Variants in TMC2 observed in about 807,000 individuals in gnomAD.
The protein encoded by TMC2 is transmembrane channel like 2.
A neutral mutation model predicts 105.9 loss-of-function variants in TMC2; 102 were observed. The ratio of observed to expected loss-of-function variants is 0.96; its 90% CI spans 0.82 to 1.14. TMC2 has a LOEUF of 1.14. Ranked by LOEUF, TMC2 falls within the 50% of genes most tolerant of loss-of-function variation. TMC2 has a pLI of 0.00. For missense variants in TMC2, 1,093 were observed against 1,134.3 expected (o/e 0.96, Z 0.52); for synonymous variants, 402 against 422.8 (o/e 0.95, Z 0.60).
chr20:2,640,696 A>G (rs937312649), intron 19 of TMC2, among the ~76,000 whole-genome samples: 1 of 152,218 alleles, frequency 6.6e-6, no homozygotes, highest in African/African-American at 2.4e-5. Flanking sequence ...TTTAGTAAAG[A>G]GCAGTCATTT....
chr20:2,541,275 A>T (rs764279162), intron 2 of TMC2, among the ~76,000 whole-genome samples: 1 of 152,168 alleles, frequency 6.6e-6, no homozygotes, highest in Admixed American at 6.5e-5. Flanking sequence ...TCCCATTTTT[A>T]TAATAGAAAT....
Position 2,637,488 on chromosome 20 carries a change from G to A in TMC2, c.2400G>A (p.Glu800=), listed in dbSNP as rs761789664. Reference sequence around the variant, plus strand: ...ATTTCCTGCAGCTCCGTGAAGTTGAGAAGAGTCACAAATCTGTAAAAGGCA... The same window carrying A: ...ATTTCCTGCAGCTCCGTGAAGTTGAAAAGAGTCACAAATCTGTAAAAGGCA... ...RKKIQVLREV[E]KSHKSVKGKA... Residue 800 remains glutamate, a synonymous_variant, in exon 19 of 20, where the codon GAG becomes GAA. Coordinates refer to ENST00000358864, the MANE Select transcript of TMC2 (RefSeq NM_080751.3). 6.2e-7 allele frequency: 1 copy of A among 1,613,054 alleles called. No individual in the cohort carries two copies. Among genetic ancestry groups the A allele is most frequent in the Non-Finnish European group, 8.5e-7 (1 of 1,179,372 alleles).
chr20:2,632,798 C>A (rs1017484926), intron 17 of TMC2, among the ~76,000 whole-genome samples: 3 of 152,068 alleles, frequency 2.0e-5, no homozygotes, highest in Admixed American at 2.0e-4. Context: ...CCCATGTTGG[C>A]CAGGCTGGTC....
At chr20:2,637,711 A>G in intron 19 of TMC2, 120 bp downstream of exon 19, 1 of 717,128 alleles carries the variant, frequency 1.4e-6, no homozygotes, top group South Asian at 1.9e-5. Context: ...AACAATTATT[A>G]GCTTATGAAG....
chr20:2,561,036 G>A (rs980386392), intron 3 of TMC2, among the ~76,000 whole-genome samples: 4 of 152,204 alleles, frequency 2.6e-5, no homozygotes, highest in African/African-American at 9.7e-5. Context: ...AATGTGGCCA[G>A]TGTGACTGAG....
At position 2,555,043 on chromosome 20, in the gene TMC2, G is replaced by C. The variant is rs188070386; in HGVS notation, c.83-3413G>C. Among the ~76,000 whole-genome samples the C allele has an allele frequency of 2.6e-5, 4 of 152,250 alleles. No homozygotes were observed. The East Asian group carries it at 7.7e-4, about 29-fold the overall frequency. On this transcript the variant is annotated intron_variant, in intron 2 of 19. Coordinates refer to ENST00000358864, the MANE Select transcript of TMC2 (RefSeq NM_080751.3). ...AGGAATATTAAAGTCTCCAACTATAGTAGTGAATTGGTCTATTTCTCCTTG... is the reference window on the plus strand; with the variant it reads ...AGGAATATTAAAGTCTCCAACTATACTAGTGAATTGGTCTATTTCTCCTTG...
chr20:2,594,989 G>A lies in TMC2; in HGVS notation c.1076+22G>A, dbSNP rs562759510. 1.2e-4 allele frequency: 186 copies of A among 1,605,432 alleles called. 1 individual carries two copies. The South Asian group carries it at 1.8e-3, about 16-fold the overall frequency. ...GATCGTAAGTATGACCGTCTCATCC[G>A]CAGGCTTTGACTTCACAGCCACAGC... On this transcript the variant is annotated intron_variant, in intron 9 of 19. Transcript: ENST00000358864.
intron 5 of TMC2, among the ~76,000 whole-genome samples, chr20:2,577,862 C>T (rs2086158464): frequency 6.6e-6 from 1 of 152,036 alleles, no homozygotes; most frequent in South Asian, 2.1e-4. Flanking sequence ...GCCACCTGCA[C>T]TCGGCCTGGG....
At chr20:2,613,713 A>T (rs2086460651) in intron 14 of TMC2, 1 of 310,366 alleles carries the variant, frequency 3.2e-6, no homozygotes. Context: ...CACACCAAGA[A>T]CACAATAACC....
chr20:2,546,189 T>C (rs2085925301), intron 2 of TMC2, among the ~76,000 whole-genome samples: 1 of 152,100 alleles, frequency 6.6e-6, no homozygotes, highest in South Asian at 2.1e-4. Flanking sequence ...TAAAAAGTCA[T>C]CCAATGGTTG....
chr20:2,573,176 G>A (rs550547486), intron 5 of TMC2, among the ~76,000 whole-genome samples: 2 of 152,228 alleles, frequency 1.3e-5, no homozygotes, highest in South Asian at 4.1e-4. Flanking sequence ...TCTTGCCCAT[G>A]TTTCTACATG....
In TMC2 at chr20:2,610,531, T is replaced by C. The variant is rs2086428834; in HGVS notation, c.1526T>C (p.Ile509Thr). Residue 509 changes from isoleucine to threonine, a missense_variant, in exon 12 of 20, where the codon ATC (isoleucine) becomes ACC (threonine). Physicochemically the swap from Ile to Thr is moderately conservative, Grantham distance 89. Transcript: ENST00000358864. ...GGACTGAAGTGGCAGCTGGGACGCA[T>C]CTTTGCACTCTTCCTGGGGAACCTC... is the stretch of plus-strand genomic sequence containing the variant. ...RTGLKWQLGR[I>T]FALFLGNLYT... 1 of 1,613,718 alleles carries C rather than the reference T, an allele frequency of 6.2e-7. No individual in the cohort carries two copies. The highest frequency in any genetic ancestry group is 8.5e-7 in the Non-Finnish European group (1 of 1,179,838).
chr20:2,544,759 T>C (rs1179172330), intron 2 of TMC2, among the ~76,000 whole-genome samples: 2 of 152,138 alleles, frequency 1.3e-5, no homozygotes, highest in Non-Finnish European at 2.9e-5. Flanking sequence ...ATCAGATCTC[T>C]TGTAAATTAT....
intron 7 of TMC2, among the ~76,000 whole-genome samples, chr20:2,582,289 A>T (rs1247105191): frequency 6.6e-6 from 1 of 152,178 alleles, no homozygotes; most frequent in East Asian, 1.9e-4. Context: ...TTCATTGCAC[A>T]TCTAAAGGAA....
chr20:2,543,108 A>G lies in TMC2; in HGVS notation c.82+5792A>G, dbSNP rs567188770. Among the ~76,000 whole-genome samples, 12 of 151,904 alleles carry G rather than the reference A, an allele frequency of 7.9e-5. No homozygotes were observed. In the South Asian group the frequency reaches 1.7e-3, roughly 21 times the overall value. On this transcript the variant is annotated intron_variant, in intron 2 of 19. Transcript: ENST00000358864. ...AAAAATTAGTCAGGCAAGGTGGCAT[A>G]CACCTGTAATCCCAGCTACTCAGGA... is the stretch of plus-strand genomic sequence containing the variant.
intron 17 of TMC2, among the ~76,000 whole-genome samples, chr20:2,626,791 C>T (rs1600139487): frequency 1.3e-5 from 2 of 152,156 alleles, no homozygotes; most frequent in Admixed American, 1.3e-4. Flanking sequence ...CAATTCCCTC[C>T]TGTGACAGTT....
chr20:2,623,276 G>A (rs1337146454), intron 16 of TMC2, among the ~76,000 whole-genome samples: 2 of 152,052 alleles, frequency 1.3e-5, no homozygotes, highest in African/African-American at 4.8e-5. Flanking sequence ...AGTGGTTCAC[G>A]CCTGTAATCC....
chr20:2,624,224 C>T (rs2086547721), intron 16 of TMC2, 47 bp from the exon 17 acceptor site: 1 of 1,592,780 alleles, frequency 6.3e-7, no homozygotes, highest in South Asian at 1.1e-5. Flanking sequence ...CTGTGAATGC[C>T]ACAGGCACAT....
At chr20:2,590,198 C>A (rs1424408299) in intron 7 of TMC2, among the ~76,000 whole-genome samples, 3 of 151,936 alleles carry the variant, frequency 2.0e-5, no homozygotes, top group Non-Finnish European at 4.4e-5. Flanking sequence ...ACAGGCAAAA[C>A]TAAACAGGCA....
Sources: allele counts gnomAD v4.1 joint callset (sites outside exome capture counted in the v4.1 genomes callset), GRCh38; gene constraint gnomAD v4.1.1; transcripts MANE v1.5; gene names NCBI Gene and HGNC (gene_info 2026-07-23, HGNC 2026-07-21).